PSD3: variants seen among roughly 807,000 people sequenced by gnomAD.
The protein encoded by PSD3 is PH and SEC7 domain-containing protein 3.
Under a neutral mutation model 105.5 loss-of-function variants are expected in PSD3, and 49 were observed. That is an observed-to-expected ratio of 0.46 (90% CI 0.37 to 0.59). The LOEUF (loss-of-function observed/expected upper bound fraction) is 0.59. PSD3 is among the 20% of genes least tolerant of loss of function. PSD3 has a pLI of 0.00. For missense variants in PSD3, 1,561 were observed against 1,263.8 expected (o/e 1.24, Z -3.57); for synonymous variants, 557 against 457.8 (o/e 1.22, Z -2.77).
At chr8:18,739,506 G>C (rs1804400603) in intron 9 of PSD3, among the ~76,000 whole-genome samples, 1 of 152,010 alleles carries the variant, frequency 6.6e-6, no homozygotes, top group African/African-American at 2.4e-5. Context: ...TAAAGAAGAA[G>C]GTAATATGTA....
chr8:18,674,346 G>T (rs1316652334), intron 9 of PSD3, among the ~76,000 whole-genome samples: 1 of 152,132 alleles, frequency 6.6e-6, no homozygotes, highest in East Asian at 1.9e-4. Context: ...TCTTTCTTTA[G>T]TATTTGGCAT....
intron 11 of PSD3, among the ~76,000 whole-genome samples, chr8:18,631,818 AAC>A (rs957285999): frequency 2.7e-4 from 41 of 152,144 alleles, no homozygotes; most frequent in African/African-American, 9.6e-4. Context: ...AGAATATGCT[AAC>A]ACATTAAGAA....
intron 1 of PSD3, among the ~76,000 whole-genome samples, chr8:18,976,924 G>A (rs1316386946): frequency 6.6e-6 from 1 of 152,138 alleles, no homozygotes; most frequent in Non-Finnish European, 1.5e-5. Context: ...AGAGAATGAG[G>A]TAGTTCTGTA....
At chr8:18,873,436 C>A (rs6984859) in intron 2 of PSD3, among the ~76,000 whole-genome samples, 2 of 151,644 alleles carry the variant, frequency 1.3e-5, no homozygotes, top group Admixed American at 1.3e-4. Context: ...GTTTATATAT[C>A]TAGATATATG....
chr8:18,793,211 T>C (rs1215013431), intron 8 of PSD3, among the ~76,000 whole-genome samples: 1 of 151,992 alleles, frequency 6.6e-6, no homozygotes, highest in East Asian at 1.9e-4. Context: ...TTAGGAGATA[T>C]ACCTAATGTA....
chr8:19,058,556 C>G (rs561080266), intron 1 of PSD3, among the ~76,000 whole-genome samples: 2 of 151,402 alleles, frequency 1.3e-5, no homozygotes, highest in East Asian at 1.9e-4. Flanking sequence ...TACACACACA[C>G]AGACACAAGT....
chr8:18,954,903 C>T (rs1414785454), intron 1 of PSD3, among the ~76,000 whole-genome samples: 1 of 152,142 alleles, frequency 6.6e-6, no homozygotes, highest in Non-Finnish European at 1.5e-5. Context: ...GTTCAATGAA[C>T]TGCATCAACT....
chr8:19,005,058 A>G (rs1169390025), intron 1 of PSD3, among the ~76,000 whole-genome samples: 5 of 152,048 alleles, frequency 3.3e-5, no homozygotes, highest in Admixed American at 6.5e-5. Flanking sequence ...ACGTGAAAAT[A>G]TATTCATCAT....
chr8:18,545,251 T>C (rs1262838593), intron 15 of PSD3, among the ~76,000 whole-genome samples: 1 of 152,178 alleles, frequency 6.6e-6, no homozygotes, highest in Non-Finnish European at 1.5e-5. Flanking sequence ...ACACATTTTA[T>C]TTTCTAGGTG....
chr8:19,072,302 G>C (rs1242446348), intron 1 of PSD3, among the ~76,000 whole-genome samples: 1 of 148,958 alleles, frequency 6.7e-6, no homozygotes, highest in Non-Finnish European at 1.5e-5. Context: ...TGTCAGGCTG[G>C]TCTCGAACTC....
chr8:18,590,461 T>C (rs1402616609), intron 12 of PSD3, among the ~76,000 whole-genome samples: 5 of 152,222 alleles, frequency 3.3e-5, no homozygotes, highest in Admixed American at 6.5e-5. Flanking sequence ...TTTCAGATCC[T>C]TTCCTCTGAA....
chr8:18,637,483 C>T (rs1429033458), intron 10 of PSD3, among the ~76,000 whole-genome samples: 2 of 152,220 alleles, frequency 1.3e-5, no homozygotes, highest in Non-Finnish European at 2.9e-5. Context: ...ACTCCTCTCT[C>T]CCATCGATTC....
intron 1 of PSD3, among the ~76,000 whole-genome samples, chr8:19,030,026 A>C (rs1827705420): frequency 6.6e-6 from 1 of 152,198 alleles, no homozygotes; most frequent in African/African-American, 2.4e-5. Flanking sequence ...AATAGTAGTG[A>C]TAAGAACAGA....
At chr8:18,579,716 C>T (rs1802687912) in intron 12 of PSD3, among the ~76,000 whole-genome samples, 1 of 152,064 alleles carries the variant, frequency 6.6e-6, no homozygotes, top group Non-Finnish European at 1.5e-5. Flanking sequence ...GGCATCAAGT[C>T]TGAAAAATTG....
intron 11 of PSD3, among the ~76,000 whole-genome samples, chr8:18,620,514 A>T (rs1806038422): frequency 6.6e-6 from 1 of 152,078 alleles, no homozygotes; most frequent in South Asian, 2.1e-4. Context: ...GTTTGAGGCC[A>T]GCCTGGGCAA....
At chr8:19,011,964 G>T (rs1563508461) in intron 1 of PSD3, among the ~76,000 whole-genome samples, 1 of 152,188 alleles carries the variant, frequency 6.6e-6, no homozygotes, top group African/African-American at 2.4e-5. Context: ...CATAAAACGT[G>T]TCTAGGCATG....
At chr8:18,582,940 C>A (rs988273340) in intron 12 of PSD3, among the ~76,000 whole-genome samples, 11 of 151,516 alleles carry the variant, frequency 7.3e-5, no homozygotes, top group African/African-American at 2.7e-4. Flanking sequence ...ATTCTCCTGC[C>A]TCAGACTCCT....
At chr8:18,961,964 C>T (rs1164473349) in intron 1 of PSD3, among the ~76,000 whole-genome samples, 1 of 151,920 alleles carries the variant, frequency 6.6e-6, no homozygotes, top group Admixed American at 6.6e-5. Context: ...TTTCACTTTG[C>T]AAAAATTTTA....
chr8:18,600,574 A>C (rs1804362271), intron 11 of PSD3, 140 bp from the exon 12 acceptor site: 1 of 683,966 alleles, frequency 1.5e-6, no homozygotes, highest in East Asian at 2.8e-5. Context: ...AAATTTTCTG[A>C]GCCTTATGGT....
Sources: allele counts gnomAD v4.1 joint callset (sites outside exome capture counted in the v4.1 genomes callset), GRCh38; gene constraint gnomAD v4.1.1; transcripts MANE v1.5; gene names NCBI Gene and HGNC (gene_info 2026-07-23, HGNC 2026-07-21).